The following SLC35E3 variants were observed in gnomAD, a reference collection of about 807,000 sequenced individuals.
SLC35E3 encodes solute carrier family 35 member E3.
In SLC35E3, 28 loss-of-function variants were observed where a neutral mutation model predicts 30.8. That is an observed-to-expected ratio of 0.91 (90% CI 0.67 to 1.25). The LOEUF is 1.25. SLC35E3 is among the 50% of genes most tolerant of loss of function. The pLI is 0.00. For synonymous variants in SLC35E3, 146 were observed against 149.2 expected (o/e 0.98, Z 0.16); for missense variants, 365 against 375.4 (o/e 0.97, Z 0.23).
chr12:68,769,900 T>G lies in SLC35E3; in HGVS notation c.*5010T>G, dbSNP rs976931451. Reference sequence around the variant, plus strand: ...ATTTCCTGTGATCTTAAGGAACATTTGTCTAGTATTAGAGATAGGACTAAT... The same window carrying G: ...ATTTCCTGTGATCTTAAGGAACATTGGTCTAGTATTAGAGATAGGACTAAT... On this transcript the variant is annotated 3_prime_UTR_variant, in exon 5 of 5. Coordinates refer to ENST00000398004, the MANE Select transcript of SLC35E3 (RefSeq NM_018656.5). The G allele has an allele frequency of 3.3e-5, 5 of 152,228 alleles. No individual in the cohort carries two copies. The highest frequency in any genetic ancestry group is 1.2e-4 in the African/African-American group (5 of 41,456). 9.4% of individuals were successfully genotyped at this position (152,228 alleles called of 1,614,324 possible). A position where few individuals can be genotyped will look rare whatever the true frequency, so the allele number is the denominator to read the frequency against.
At chr12:68,757,154 A>G (rs117957500) in intron 3 of SLC35E3, among the ~76,000 whole-genome samples, 2,929 of 152,336 alleles carry the variant, frequency 0.019, 47 homozygotes, top group Non-Finnish European at 0.029. Context: ...AAAGCCGTCT[A>G]TGACAGACCC....
intron 2 of SLC35E3, among the ~76,000 whole-genome samples, chr12:68,748,595 G>A (rs762401064): frequency 6.6e-6 from 1 of 151,900 alleles, no homozygotes; most frequent in Non-Finnish European, 1.5e-5. Flanking sequence ...TTGTGCAAGC[G>A]CAGTGCCTTG....
rs1446905362 is a variant in SLC35E3, at chr12:68,772,000, G to C, written c.*7110G>C. The C allele has an allele frequency of 6.6e-6, 1 of 152,092 alleles. No individual in the cohort carries two copies. The highest frequency in any genetic ancestry group is 2.4e-5 in the African/African-American group (1 of 41,430). 9.4% of individuals were successfully genotyped at this position (152,092 alleles called of 1,614,324 possible). ...AAAAGTAGATTGAATAAATTAATCA[G>C]AAGGGTTTGGTTTGTTTGACCTTTT... is the stretch of plus-strand genomic sequence containing the variant. On this transcript the variant is annotated 3_prime_UTR_variant, in exon 5 of 5. Coordinates refer to ENST00000398004, the MANE Select transcript of SLC35E3 (RefSeq NM_018656.5).
chr12:68,752,866 C>A (rs1281153108), intron 3 of SLC35E3, among the ~76,000 whole-genome samples: 1 of 151,762 alleles, frequency 6.6e-6, no homozygotes, highest in African/African-American at 2.4e-5. Context: ...TTAGCTGAGG[C>A]TGGGTGCGGT....
chr12:68,761,244 A>G (rs1879222927), intron 4 of SLC35E3, among the ~76,000 whole-genome samples: 1 of 152,224 alleles, frequency 6.6e-6, no homozygotes, highest in African/African-American at 2.4e-5. Flanking sequence ...GATTTTACAT[A>G]CATTCTAATA....
At chr12:68,751,735 A>G (rs1471134104) in intron 2 of SLC35E3, among the ~76,000 whole-genome samples, 1 of 152,040 alleles carries the variant, frequency 6.6e-6, no homozygotes, top group Non-Finnish European at 1.5e-5. Context: ...ATATGCATTT[A>G]TTTTTCCCTA....
rs1879822311 is a variant in SLC35E3 at position 68,779,223 on chromosome 12, A to G, written c.*14333A>G. On this transcript the variant is annotated 3_prime_UTR_variant, in exon 5 of 5. Transcript: ENST00000398004. Reference sequence around the variant, plus strand: ...AGCCCTGAACTCCTTGGCTCAAGTAATCCTCCTGCCTCAGCCTCCTGAGTA... The same window carrying G: ...AGCCCTGAACTCCTTGGCTCAAGTAGTCCTCCTGCCTCAGCCTCCTGAGTA... 6.6e-6 allele frequency: 1 copy of G among 152,236 alleles called. No individual in the cohort carries two copies. Among genetic ancestry groups the G allele is most frequent in the Non-Finnish European group, 1.5e-5 (1 of 68,070 alleles). The allele number at this position is 152,236 out of a possible 1,614,324, so 9.4% of individuals were successfully genotyped here.
chr12:68,751,086 A>G (rs1878773111), intron 2 of SLC35E3, among the ~76,000 whole-genome samples: 1 of 152,062 alleles, frequency 6.6e-6, no homozygotes, highest in African/African-American at 2.4e-5. Context: ...TTTTAGGGTT[A>G]GTGATTATCC....
chr12:68,773,244 G>C lies in SLC35E3; in HGVS notation c.*8354G>C, dbSNP rs1394768228. ...AAAAAAGAGTCTACAGTTCAGTGCA[G>C]GATAGGGATGGGTGGGCCTTAATTC... On this transcript the variant is annotated 3_prime_UTR_variant, in exon 5 of 5. Coordinates refer to ENST00000398004, the MANE Select transcript of SLC35E3 (RefSeq NM_018656.5). 6.6e-6 allele frequency: 1 copy of C among 152,152 alleles called. No homozygotes were observed. The highest frequency in any genetic ancestry group is 2.4e-5 in the African/African-American group (1 of 41,424). 9.4% of individuals were successfully genotyped at this position (152,152 alleles called of 1,614,324 possible). A position where few individuals can be genotyped will look rare whatever the true frequency, so the allele number is the denominator to read the frequency against.
chr12:68,781,002 A>G lies in SLC35E3; in HGVS notation c.*16112A>G, dbSNP rs1440166183. ...GAACAGAGGCAGACCTGGGGCTGAC[A>G]CTGAATGAATGCTACTCACAGCAGT... On this transcript the variant is annotated 3_prime_UTR_variant, in exon 5 of 5. Coordinates refer to ENST00000398004, the MANE Select transcript of SLC35E3 (RefSeq NM_018656.5). 2 of 152,208 alleles carry G rather than the reference A, an allele frequency of 1.3e-5. No homozygotes were observed. The highest frequency in any genetic ancestry group is 4.8e-5 in the African/African-American group (2 of 41,464). The allele number at this position is 152,208 out of a possible 1,614,324, so 9.4% of individuals were successfully genotyped here. A position where few individuals can be genotyped will look rare whatever the true frequency, so the allele number is the denominator to read the frequency against.
intron 4 of SLC35E3, among the ~76,000 whole-genome samples, chr12:68,762,473 G>A (rs1398814437): frequency 1.3e-5 from 2 of 152,124 alleles, no homozygotes; most frequent in Non-Finnish European, 2.9e-5. Flanking sequence ...ACCATTGAGG[G>A]ACTGAGTGAG....
chr12:68,749,846 T>C (rs151192447), intron 2 of SLC35E3, among the ~76,000 whole-genome samples: 24 of 152,282 alleles, frequency 1.6e-4, no homozygotes, highest in Admixed American at 4.6e-4. Context: ...GAGTGGGTGA[T>C]ACCAGATGTC....
Position 68,772,553 on chromosome 12 carries a change from T to G in SLC35E3, c.*7663T>G, listed in dbSNP as rs1879630346. Reference sequence around the variant, plus strand: ...CAATTCAATGAATTATTTATGAGTATTAGGGGAATGTTTTTGTTATGCTGC... The same window carrying G: ...CAATTCAATGAATTATTTATGAGTAGTAGGGGAATGTTTTTGTTATGCTGC... On this transcript the variant is annotated 3_prime_UTR_variant, in exon 5 of 5. Transcript: ENST00000398004. 6.6e-6 allele frequency: 1 copy of G among 152,200 alleles called. No individual in the cohort carries two copies. Among genetic ancestry groups the G allele is most frequent in the South Asian group, 2.1e-4 (1 of 4,836 alleles). The allele number at this position is 152,200 out of a possible 1,614,324, so 9.4% of individuals were successfully genotyped here.
In SLC35E3 at chr12:68,767,666, A is replaced by G. The variant is rs573464540; in HGVS notation, c.*2776A>G. On this transcript the variant is annotated 3_prime_UTR_variant, in exon 5 of 5. Coordinates refer to ENST00000398004, the MANE Select transcript of SLC35E3 (RefSeq NM_018656.5). ...GGTTTTTAGGATTTTTTTTTCCTGG[A>G]CTCTGAAATGAGAAGCCTCGCTGAA... The G allele has an allele frequency of 1.3e-5, 2 of 151,952 alleles. No homozygotes were observed. The highest frequency in any genetic ancestry group is 4.1e-4 in the South Asian group (2 of 4,828). 9.4% of individuals were successfully genotyped at this position (151,952 alleles called of 1,614,324 possible).
rs71091558 is a variant in SLC35E3 at position 68,774,821 on chromosome 12, T to TAAAAAAAA, written c.*9941_*9948dup. The TAAAAAAAA allele has an allele frequency of 2.1e-5, 2 of 94,602 alleles. No homozygotes were observed. Among genetic ancestry groups the TAAAAAAAA allele is most frequent in the African/African-American group, 3.9e-5 (1 of 25,686 alleles). The allele number at this position is 94,602 out of a possible 1,614,324, so 5.9% of individuals were successfully genotyped here. On this transcript the variant is annotated 3_prime_UTR_variant, in exon 5 of 5. Transcript: ENST00000398004. ...CAATGCCGTTAGATGCCCTATCTCT[T>TAAAAAAAA]AAAAAAAAAAAAAAAAAGATAAAAT...
At chr12:68,753,111 CAAA>C (rs34737156) in intron 3 of SLC35E3, among the ~76,000 whole-genome samples, 10 of 122,384 alleles carry the variant, frequency 8.2e-5, no homozygotes, top group Non-Finnish European at 8.7e-5. Flanking sequence ...ACACCTGTCT[CAAA>C]AAAAAAAAAA....
At position 68,759,184 on chromosome 12, in the gene SLC35E3, G is replaced by A. The variant is rs1376011148; in HGVS notation, c.700G>A (p.Ala234Thr). ...TATGGTGCTGCTATCTGGAGTAATA[G>A]CTTTCATGGTGAACTTATCAATTTA... ...LLMVLLSGVI[A>T]FMVNLSIYWI... is the part of the protein sequence containing the mutation. Residue 234 changes from alanine (A) to threonine (T), a missense_variant, in exon 4 of 5, where the codon GCT becomes ACT. Transcript: ENST00000398004. 5 of 1,613,660 alleles carry A rather than the reference G, an allele frequency of 3.1e-6. No individual in the cohort carries two copies. The highest frequency in any genetic ancestry group is 4.2e-6 in the Non-Finnish European group (5 of 1,179,760).
rs1592549191 is a variant in SLC35E3, at chr12:68,768,193, A to C, written c.*3303A>C. 1 of 152,042 alleles carries C rather than the reference A, an allele frequency of 6.6e-6. No individual in the cohort carries two copies. The allele number at this position is 152,042 out of a possible 1,614,324, so 9.4% of individuals were successfully genotyped here. On this transcript the variant is annotated 3_prime_UTR_variant, in exon 5 of 5. Coordinates refer to ENST00000398004, the MANE Select transcript of SLC35E3 (RefSeq NM_018656.5). ...AATTCCAGCTACTCGGGAGGCTGAG[A>C]CAGGAGAATCACTTGAACCAGGGAG...
intron 3 of SLC35E3, among the ~76,000 whole-genome samples, chr12:68,758,137 C>A (rs1370249716): frequency 1.4e-5 from 2 of 145,520 alleles, no homozygotes; most frequent in Non-Finnish European, 3.0e-5. Flanking sequence ...AGAAAAAGAT[C>A]TCGGCCGGGT....
Sources: allele counts gnomAD v4.1 joint callset (sites outside exome capture counted in the v4.1 genomes callset), GRCh38; gene constraint gnomAD v4.1.1; transcripts MANE v1.5; gene names NCBI Gene and HGNC (gene_info 2026-07-23, HGNC 2026-07-21).